The following ARFGEF1 variants were observed in gnomAD, a reference collection of about 807,000 sequenced individuals.
ARFGEF1 encodes ARF guanine nucleotide exchange factor 1, also known as brefeldin A-inhibited guanine nucleotide-exchange protein 1.
A neutral mutation model predicts 231.0 loss-of-function variants in ARFGEF1; 42 were observed. That is an observed-to-expected ratio of 0.18 (90% CI 0.14 to 0.24). The LOEUF is 0.24. Ranked by LOEUF, ARFGEF1 falls within the 10% of genes least tolerant of loss-of-function variation. The pLI is 1.00. For missense variants in ARFGEF1, 1,345 were observed against 2,192.0 expected, an observed-to-expected ratio of 0.61 and a Z score of 7.72; for synonymous variants, 710 against 732.3, an observed-to-expected ratio of 0.97 and a Z score of 0.49.
intron 19 of ARFGEF1, among the ~76,000 whole-genome samples, chr8:67,240,630 G>T (rs1286946451): frequency 1.3e-5 from 2 of 152,054 alleles, no homozygotes; most frequent in Non-Finnish European, 2.9e-5. Context: ...TTTGTCTCTT[G>T]CAATATTTCA....
chr8:67,199,065 A>G lies in ARFGEF1; in HGVS notation c.5419T>C (p.Leu1807=). Residue 1807 remains leucine, a synonymous_variant, in exon 39 of 39, where the codon TTA becomes CTA. Coordinates refer to ENST00000262215, the MANE Select transcript of ARFGEF1 (RefSeq NM_006421.5). ...AAGTCAAATTGCATAATTTCACATA[A>G]GAGAGGGTAGTAGAATGATGCATGA... The part of the protein sequence containing the change: ...KAHASFYYPL[L]CEIMQFDLIP... 2 of 1,611,768 alleles carry G rather than the reference A, an allele frequency of 1.2e-6. No individual in the cohort carries two copies. The highest frequency in any genetic ancestry group is 1.7e-6 in the Non-Finnish European group (2 of 1,179,480).
At chr8:67,214,625 T>C (rs1838863335) in intron 33 of ARFGEF1, among the ~76,000 whole-genome samples, 1 of 152,184 alleles carries the variant, frequency 6.6e-6, no homozygotes, top group Non-Finnish European at 1.5e-5. Context: ...ATATATCTAG[T>C]GGAGCCAATC....
chr8:67,297,375 ATTG>A (rs1343465902), intron 4 of ARFGEF1, among the ~76,000 whole-genome samples: 2 of 152,054 alleles, frequency 1.3e-5, no homozygotes, highest in African/African-American at 4.8e-5. Flanking sequence ...TGTTGTTGTT[ATTG>A]TTGAAGAGGT....
rs886278417 is a variant in ARFGEF1, at chr8:67,216,631, T to G, written c.4645A>C (p.Thr1549Pro). 4 of 1,609,248 alleles carry G rather than the reference T, an allele frequency of 2.5e-6. No individual in the cohort carries two copies. Among genetic ancestry groups the G allele is most frequent in the Non-Finnish European group, 3.4e-6 (4 of 1,178,668 alleles). ...LLTWRPNSGE[T>P]APPPPSPVSE... ...ACAGGAGATGGAGGTGGGGGGGCAG[T>G]TTCTCCAGAATTGGGTCGCCAGGTC... Residue 1549 changes from threonine (T) to proline (P), a missense_variant, in exon 33 of 39, where the codon ACT becomes CCT. By Grantham distance (38) the Thr-to-Pro change is conservative. Coordinates refer to ENST00000262215, the MANE Select transcript of ARFGEF1 (RefSeq NM_006421.5).
chr8:67,282,847 CA>C (rs113498447), intron 7 of ARFGEF1, among the ~76,000 whole-genome samples: 4,648 of 116,140 alleles, frequency 0.04, 140 homozygotes, highest in African/African-American at 0.09. Flanking sequence ...GACTTCATCT[CA>C]AAAAAAAAAA....
At chr8:67,300,375 A>C (rs1806424563) in intron 3 of ARFGEF1, among the ~76,000 whole-genome samples, 1 of 152,216 alleles carries the variant, frequency 6.6e-6, no homozygotes, top group Non-Finnish European at 1.5e-5. Context: ...TGTCTTACAA[A>C]TATAATATCT....
chr8:67,186,974 TATCTATC>T (rs1168415547), intron 5 of ARFGEF1, among the ~76,000 whole-genome samples: 1 of 70,910 alleles, frequency 1.4e-5, no homozygotes, highest in Non-Finnish European at 3.2e-5. Flanking sequence ...ATCTATCATC[TATCTATC>T]TATCTATCTA....
At chr8:67,305,999 CACAG>C (rs1296016217) in intron 1 of ARFGEF1, among the ~76,000 whole-genome samples, 5 of 152,182 alleles carry the variant, frequency 3.3e-5, no homozygotes, top group Admixed American at 2.0e-4. Context: ...TTCATAATTT[CACAG>C]ACAGAAGATT....
intron 23 of ARFGEF1, among the ~76,000 whole-genome samples, chr8:67,231,980 C>CA: frequency 6.6e-6 from 1 of 151,662 alleles, no homozygotes; most frequent in East Asian, 1.9e-4. Context: ...AAACAAAACA[C>CA]AAAAAACAAC....
chr8:67,327,422 A>G (rs1456697512), intron 1 of ARFGEF1, among the ~76,000 whole-genome samples: 1 of 150,120 alleles, frequency 6.7e-6, no homozygotes, highest in Non-Finnish European at 1.5e-5. Flanking sequence ...GGTTCAAGCT[A>G]TCATCCTGCC....
chr8:67,190,693 C>T, intron 5 of ARFGEF1: 1 of 1,614,098 alleles, frequency 6.2e-7, no homozygotes, highest in Non-Finnish European at 8.5e-7. Context: ...ATGACGTCCT[C>T]CCTCCACCAT....
At chr8:67,308,877 C>G in intron 1 of ARFGEF1, among the ~76,000 whole-genome samples, 1 of 152,038 alleles carries the variant, frequency 6.6e-6, no homozygotes. Flanking sequence ...AGCTAATTAA[C>G]AAATCCAACT....
In ARFGEF1 at chr8:67,228,219, C is replaced by A. The variant is rs778696444; in HGVS notation, c.3421+5G>T. 3.5e-5 allele frequency: 57 copies of A among 1,610,696 alleles called. No homozygotes were observed. The South Asian group carries it at 6.2e-4, about 17-fold the overall frequency. On this transcript the variant is annotated splice_donor_5th_base_variant and intron_variant, in intron 24 of 38. Transcript: ENST00000262215. ...TTCCGAAGTAGAATAAATGCCCATA[C>A]TTACCAATGGCATTTCCATCTAGCC...
Position 67,277,961 on chromosome 8 carries a change from C to T in ARFGEF1, c.1028-504G>A, listed in dbSNP as rs959769021. Among the ~76,000 whole-genome samples the T allele has an allele frequency of 2.0e-5, 3 of 152,176 alleles. No homozygotes were observed. The East Asian group carries it at 5.8e-4, about 29-fold the overall frequency. ...AAGCCCCCTTCCCGTTTTTAGAATT[C>T]CTATGAATATCTCTAACAATTTATG... On this transcript the variant is annotated intron_variant, in intron 7 of 38. Transcript: ENST00000262215.
At chr8:67,202,258 TTTTTC>T (rs1563832963) in intron 36 of ARFGEF1, among the ~76,000 whole-genome samples, 1 of 152,058 alleles carries the variant, frequency 6.6e-6, no homozygotes, top group Non-Finnish European at 1.5e-5. Flanking sequence ...ATTTCTTTCT[TTTTTC>T]TTTTCTTTTT....
intron 9 of ARFGEF1, among the ~76,000 whole-genome samples, chr8:67,275,737 G>GT (rs1453315127): frequency 1.3e-5 from 2 of 151,880 alleles, no homozygotes; most frequent in African/African-American, 2.4e-5. Context: ...GAAACTTTTT[G>GT]TTTTTAGAAA....
At chr8:67,245,131 C>T (rs1462939484) in intron 19 of ARFGEF1, among the ~76,000 whole-genome samples, 1 of 150,494 alleles carries the variant, frequency 6.6e-6, no homozygotes, top group African/African-American at 2.5e-5. Flanking sequence ...TCTGGTGAAA[C>T]TATCCTTTAA....
chr8:67,307,707 A>T (rs1285560475), intron 1 of ARFGEF1, among the ~76,000 whole-genome samples: 2 of 152,202 alleles, frequency 1.3e-5, no homozygotes, highest in Admixed American at 6.5e-5. Context: ...TATGAATTTG[A>T]AAACTGGGAG....
At chr8:67,340,987 G>T (rs189747859) in intron 1 of ARFGEF1, among the ~76,000 whole-genome samples, 1 of 152,248 alleles carries the variant, frequency 6.6e-6, no homozygotes, top group South Asian at 2.1e-4. Context: ...GAGTTAACAG[G>T]ACAGTGCAAT....
Sources: allele counts gnomAD v4.1 joint callset (sites outside exome capture counted in the v4.1 genomes callset), GRCh38; gene constraint gnomAD v4.1.1; transcripts MANE v1.5; gene names NCBI Gene and HGNC (gene_info 2026-07-23, HGNC 2026-07-21).